Variants in AHRR observed in about 807,000 individuals in gnomAD.
AHRR encodes the protein aryl hydrocarbon receptor repressor.
A neutral mutation model predicts 44.0 loss-of-function variants in AHRR; 28 were observed. The ratio of observed to expected loss-of-function variants is 0.64; its 90% CI spans 0.47 to 0.87. The LOEUF (loss-of-function observed/expected upper bound fraction) is 0.87. AHRR is among the 40% of genes least tolerant of loss of function. The probability of loss-of-function intolerance (pLI) is 0.00; values close to 1 mark genes in which losing one functional copy is unlikely to be tolerated. For missense variants in AHRR, 990 were observed against 953.9 expected (o/e 1.04, Z -0.50); for synonymous variants, 434 against 407.0 (o/e 1.07, Z -0.80).
At chr5:327,118 G>A (rs1249739713) in intron 1 of AHRR, among the ~76,000 whole-genome samples, 2 of 152,138 alleles carry the variant, frequency 1.3e-5, no homozygotes, top group African/African-American at 4.8e-5. Context: ...ATTGAATTAT[G>A]GATTTTTGTT....
chr5:351,329 CA>C (rs1211225316), intron 2 of AHRR, among the ~76,000 whole-genome samples: 1 of 152,224 alleles, frequency 6.6e-6, no homozygotes. Flanking sequence ...ATACTCACGG[CA>C]GCCAAACAGA....
At chr5:332,118 T>A (rs1250051869) in intron 1 of AHRR, among the ~76,000 whole-genome samples, 9 of 152,182 alleles carry the variant, frequency 5.9e-5, no homozygotes, top group Admixed American at 5.9e-4. Flanking sequence ...CCAGAGTTGC[T>A]CTTGGTATTT....
At chr5:400,344 C>T (rs1333198292) in intron 4 of AHRR, among the ~76,000 whole-genome samples, 1 of 152,172 alleles carries the variant, frequency 6.6e-6, no homozygotes, top group Non-Finnish European at 1.5e-5. Context: ...CCTGCGGTCC[C>T]TGGGGGAGAG....
At chr5:324,916 G>T (rs1012828340) in intron 1 of AHRR, among the ~76,000 whole-genome samples, 1 of 152,206 alleles carries the variant, frequency 6.6e-6, no homozygotes, top group Non-Finnish European at 1.5e-5. Context: ...CGCCCACAGG[G>T]AATATTTATC....
chr5:427,709 A>G (rs1465394893), intron 7 of AHRR, 98 bp from the exon 8 acceptor site: 6 of 1,613,836 alleles, frequency 3.7e-6, no homozygotes, highest in African/African-American at 1.3e-5. Context: ...CCTCCCTACG[A>G]ATTCCAGCCG....
chr5:325,932 G>A (rs1339590743), intron 1 of AHRR, among the ~76,000 whole-genome samples: 2 of 152,054 alleles, frequency 1.3e-5, no homozygotes, highest in Non-Finnish European at 2.9e-5. Context: ...ACAGGCACCA[G>A]CCACCACGCC....
Position 419,168 on chromosome 5 carries a change from A to AT in AHRR, c.442-3545dup, listed in dbSNP as rs11352803. On this transcript the variant is annotated intron_variant, in intron 5 of 10. Coordinates refer to ENST00000684583, the MANE Select transcript of AHRR (RefSeq NM_001377236.1). The surrounding 1 kb of genome is among the most constrained non-coding windows in gnomAD (Gnocchi z 4.4). ...GAATCTATTTTTTAAAAGGAATGGG[A>AT]TTTTTTTTTTTTTTTTGAGACAGTC... is the stretch of plus-strand genomic sequence containing the variant. The AT allele has an allele frequency of 2.5e-4, 35 of 142,168 alleles. No individual in the cohort carries two copies. Among genetic ancestry groups the AT allele is most frequent in the South Asian group, 1.4e-3 (6 of 4,420 alleles). The allele number at this position is 142,168 out of a possible 1,614,324, so 8.8% of individuals were successfully genotyped here.
intron 4 of AHRR, 44 bp downstream of exon 4, chr5:376,760 T>C: frequency 2.0e-6 from 3 of 1,502,168 alleles, no homozygotes; most frequent in Non-Finnish European, 9.1e-7. Flanking sequence ...CACTTGGTTC[T>C]CCGTGTCACG....
intron 1 of AHRR, among the ~76,000 whole-genome samples, chr5:334,023 C>A (rs905606941): frequency 2.0e-5 from 3 of 152,110 alleles, no homozygotes; most frequent in African/African-American, 7.2e-5. Flanking sequence ...TTTTTTCTTG[C>A]AGCAGTTTGA....
At position 337,225 on chromosome 5, in the gene AHRR, C is replaced by T. The variant is rs915584736; in HGVS notation, c.-10-6668C>T. Among the ~76,000 whole-genome samples the T allele has an allele frequency of 4.6e-5, 7 of 151,414 alleles. No individual in the cohort carries two copies. The highest frequency in any genetic ancestry group is 8.8e-5 in the Non-Finnish European group (6 of 68,026). Reference sequence around the variant, plus strand: ...GGCTGATCCAGTTTCATTTAAAGTCCAGCCTGCCAACCCCAGCCCACTTAG... The same window carrying T: ...GGCTGATCCAGTTTCATTTAAAGTCTAGCCTGCCAACCCCAGCCCACTTAG... On this transcript the variant is annotated intron_variant, in intron 1 of 10. Coordinates refer to ENST00000684583, the MANE Select transcript of AHRR (RefSeq NM_001377236.1). The surrounding 1 kb of genome is among the most constrained non-coding windows in gnomAD (Gnocchi z 4.1).
chr5:370,194 G>GGAA lies in AHRR; in HGVS notation c.245-6415_245-6414insAAG, dbSNP rs1743524544. Among the ~76,000 whole-genome samples the GGAA allele has an allele frequency of 1.3e-5, 1 of 77,404 alleles. No homozygotes were observed. Among genetic ancestry groups the GGAA allele is most frequent in the African/African-American group, 4.8e-5 (1 of 20,628 alleles). The allele number at this position is 77,404 out of a possible 152,430, so 50.8% of individuals were successfully genotyped here. ...AGCCCCGTCCTCCCGGGCCCTCGCT[G>GGAA]GTGCCCCGTCCTCCCGGGCCCTCGC... is the stretch of plus-strand genomic sequence containing the variant. On this transcript the variant is annotated intron_variant, in intron 3 of 10. Coordinates refer to ENST00000684583, the MANE Select transcript of AHRR (RefSeq NM_001377236.1). This position sits in a 1 kb window ranked among gnomAD's most constrained non-coding sequence, Gnocchi z 4.5.
chr5:397,999 A>G (rs1350158157), intron 4 of AHRR, among the ~76,000 whole-genome samples: 9 of 126,568 alleles, frequency 7.1e-5, no homozygotes, highest in Admixed American at 1.6e-4. Context: ...GCCCCTGACC[A>G]TCCACGTAGC....
chr5:394,088 C>G (rs1345740643), intron 4 of AHRR, among the ~76,000 whole-genome samples: 2 of 152,238 alleles, frequency 1.3e-5, no homozygotes, highest in Admixed American at 1.3e-4. Flanking sequence ...TCTGGACCTG[C>G]TGTTATCCAG....
intron 3 of AHRR, among the ~76,000 whole-genome samples, chr5:360,372 G>A (rs1341636518): frequency 1.3e-5 from 2 of 152,366 alleles, no homozygotes; most frequent in East Asian, 1.9e-4. Context: ...GCCCCCGGAC[G>A]GGGGTGTTTA....
intron 6 of AHRR, 62 bp downstream of exon 6, chr5:422,920 G>C (rs1009530862): frequency 2.0e-6 from 3 of 1,532,776 alleles, no homozygotes; most frequent in Non-Finnish European, 2.6e-6. Context: ...ACACATCGCT[G>C]CCTCTGGAAA....
At chr5:391,522 G>C (rs1346714065) in intron 4 of AHRR, among the ~76,000 whole-genome samples, 1 of 58,896 alleles carries the variant, frequency 1.7e-5, no homozygotes, top group Non-Finnish European at 2.8e-5. Context: ...AGCGTGCATG[G>C]GGGCAGGGCG....
At chr5:352,230 G>C (rs951709469) in intron 2 of AHRR, among the ~76,000 whole-genome samples, 1 of 152,224 alleles carries the variant, frequency 6.6e-6, no homozygotes. Context: ...GAGGTTAAAT[G>C]GGTTAGCCGT....
rs1000050341 is a variant in AHRR, at chr5:331,416, T to A, written c.-11+9597T>A. 1.3e-5 allele frequency among the ~76,000 whole-genome samples: 2 copies of A among 152,186 alleles called. 1 individual carries two copies. Among genetic ancestry groups the A allele is most frequent in the Admixed American group, 1.3e-4 (2 of 15,272 alleles). On this transcript the variant is annotated intron_variant, in intron 1 of 10. Coordinates refer to ENST00000684583, the MANE Select transcript of AHRR (RefSeq NM_001377236.1). ...TTTTCCTTTTTCATTTCTGATTTTG[T>A]TTATTTGGGTCTTCTCTCTGTTAGT...
intron 5 of AHRR, chr5:420,909 C>T (rs1736071718): frequency 2.1e-5 from 3 of 141,392 alleles, no homozygotes; most frequent in East Asian, 2.1e-4. Context: ...GCAGCACGCA[C>T]GCATCCAGGC....
Sources: allele counts gnomAD v4.1 joint callset (sites outside exome capture counted in the v4.1 genomes callset), GRCh38; gene constraint gnomAD v4.1.1; non-coding constraint Gnocchi (gnomAD v3.1); transcripts MANE v1.5; gene names NCBI Gene and HGNC (gene_info 2026-07-23, HGNC 2026-07-21).